The following WRN variants were observed in gnomAD, a reference collection of about 807,000 sequenced individuals.
The protein encoded by WRN is bifunctional 3'-5' exonuclease/ATP-dependent helicase WRN.
In WRN, 149 loss-of-function variants were observed where a neutral mutation model predicts 180.7. The observed-to-expected ratio is 0.82, with a 90% CI of 0.72 to 0.94. The LOEUF is 0.94. Among genes scored for constraint, WRN ranks in the 40% least tolerant of loss-of-function variants. The pLI is 0.00. For synonymous variants in WRN, 548 were observed against 568.9 expected (o/e 0.96, Z 0.52); for missense variants, 1,661 against 1,700.1 (o/e 0.98, Z 0.40).
intron 34 of WRN, among the ~76,000 whole-genome samples, chr8:31,172,109 T>A (rs1804121623): frequency 6.6e-6 from 1 of 152,100 alleles, no homozygotes; most frequent in Admixed American, 6.6e-5. Context: ...TTTTTTCATG[T>A]GCAGATGGTA....
intron 19 of WRN, 144 bp from the exon 20 acceptor site, chr8:31,116,210 A>G: frequency 1.2e-6 from 1 of 814,034 alleles, no homozygotes; most frequent in Non-Finnish European, 1.9e-6. Context: ...ATGCACTTAA[A>G]TATATCATTA....
At chr8:31,157,888 C>G (rs1268924008) in intron 33 of WRN, among the ~76,000 whole-genome samples, 1 of 152,010 alleles carries the variant, frequency 6.6e-6, no homozygotes, top group East Asian at 1.9e-4. Flanking sequence ...CCACCATGCC[C>G]AGCTATTTTT....
chr8:31,155,225 A>G (rs955883682), intron 32 of WRN, among the ~76,000 whole-genome samples: 1 of 152,258 alleles, frequency 6.6e-6, no homozygotes, highest in Non-Finnish European at 1.5e-5. Context: ...CTCTGCAAGC[A>G]TAGCCAAGCA....
rs1804259108 is a variant in WRN at position 31,175,873 on chromosome 8, G to T, written c.*2771G>T. ...AAGTATTTATGTTAATGTGTACTTG[G>T]TTTACTACTGCTATTTTTAAATAAA... On this transcript the variant is annotated 3_prime_UTR_variant, in exon 35 of 35. Transcript: ENST00000298139. 6.6e-6 allele frequency among the ~76,000 whole-genome samples: 1 copy of T among 152,174 alleles called. No homozygotes were observed. The highest frequency in any genetic ancestry group is 2.1e-4 in the South Asian group (1 of 4,836).
rs1813563927 is a variant in WRN, at chr8:31,087,086, TAAATA to T, written c.1432-686_1432-682del. Among the ~76,000 whole-genome samples the T allele has an allele frequency of 9.9e-5, 15 of 152,190 alleles. 1 individual carries two copies. The South Asian group carries it at 3.1e-3, about 32-fold the overall frequency. On this transcript the variant is annotated intron_variant, in intron 11 of 34. Coordinates refer to ENST00000298139, the MANE Select transcript of WRN (RefSeq NM_000553.6). ...AAAAAAACCTTCAAAATGAAAATAT[TAAATA>T]AAAGATTTAATAAAAAGAGAAAGTA...
chr8:31,066,283 T>G (rs1438659480), intron 5 of WRN, among the ~76,000 whole-genome samples: 1 of 152,066 alleles, frequency 6.6e-6, no homozygotes, highest in Non-Finnish European at 1.5e-5. Context: ...CCTCCTGGGT[T>G]CAAGCGATTC....
chr8:31,094,157 T>C (rs1813865353), intron 16 of WRN, among the ~76,000 whole-genome samples: 1 of 152,226 alleles, frequency 6.6e-6, no homozygotes, highest in African/African-American at 2.4e-5. Flanking sequence ...TGTTTAACTT[T>C]CTTTTTTCTA....
intron 1 of WRN, among the ~76,000 whole-genome samples, chr8:31,052,341 G>T (rs1220081606): frequency 6.6e-6 from 1 of 151,370 alleles, no homozygotes; most frequent in South Asian, 2.1e-4. Flanking sequence ...GGTATACATT[G>T]CTCCAGACTT....
intron 17 of WRN, among the ~76,000 whole-genome samples, chr8:31,099,417 A>AGGAAGGAAGGAAGGAAGGAAGG (rs748492501): frequency 2.6e-5 from 4 of 151,844 alleles, no homozygotes; most frequent in African/African-American, 9.7e-5. Context: ...GAAGGAAGGA[A>AGGAAGGAAGGAAGGAAGGAAGG]AAATCAGTCA....
At chr8:31,095,952 G>GA in intron 16 of WRN, among the ~76,000 whole-genome samples, 1 of 152,226 alleles carries the variant, frequency 6.6e-6, no homozygotes, top group Non-Finnish European at 1.5e-5. Context: ...TCTAGATATC[G>GA]AAACAATTAG....
intron 30 of WRN, among the ~76,000 whole-genome samples, chr8:31,148,396 TCTTA>T (rs1213690940): frequency 6.6e-6 from 1 of 152,156 alleles, no homozygotes; most frequent in African/African-American, 2.4e-5. Context: ...CTTTATCATA[TCTTA>T]CTTCTGCTTA....
rs966689833 is a variant in WRN at position 31,167,320 on chromosome 8, A to G, written c.4191+90A>G. 7.6e-6 allele frequency: 8 copies of G among 1,052,934 alleles called. No homozygotes were observed. In the African/African-American group the frequency reaches 9.5e-5, roughly 13 times the overall value. The allele number at this position is 1,052,934 out of a possible 1,614,324, so 65.2% of individuals were successfully genotyped here. A position where few individuals can be genotyped will look rare whatever the true frequency, so the allele number is the denominator to read the frequency against. On this transcript the variant is annotated intron_variant, in intron 34 of 34. Coordinates refer to ENST00000298139, the MANE Select transcript of WRN (RefSeq NM_000553.6). ...GAATGCTGTATTTTTTTGAACTGTT[A>G]TGAATTCTGATATGATTACTTTCTC...
chr8:31,163,587 T>A (rs1803721782), intron 33 of WRN, among the ~76,000 whole-genome samples: 1 of 152,136 alleles, frequency 6.6e-6, no homozygotes, highest in Admixed American at 6.5e-5. Flanking sequence ...TCTAACTTGA[T>A]GAGTGAAACA....
chr8:31,111,069 T>A (rs1801295255), intron 18 of WRN, among the ~76,000 whole-genome samples: 1 of 152,136 alleles, frequency 6.6e-6, no homozygotes, highest in African/African-American at 2.4e-5. Flanking sequence ...TTATTGATTA[T>A]CTCAGTACCA....
rs1480793927 is a variant in WRN at position 31,175,332 on chromosome 8, G to A, written c.*2230G>A. 2.0e-5 allele frequency among the ~76,000 whole-genome samples: 3 copies of A among 152,158 alleles called. No homozygotes were observed. Among genetic ancestry groups the A allele is most frequent in the Non-Finnish European group, 4.4e-5 (3 of 68,024 alleles). On this transcript the variant is annotated 3_prime_UTR_variant, in exon 35 of 35. Transcript: ENST00000298139. ...TGCCTATAATCCCAGCTACTCGGGA[G>A]GCTGAGGCAGGAGAATCGCTTGAAC...
At chr8:31,123,493 G>A (rs1801804557) in intron 21 of WRN, among the ~76,000 whole-genome samples, 1 of 152,008 alleles carries the variant, frequency 6.6e-6, no homozygotes, top group Admixed American at 6.6e-5. Context: ...ATAATTACAT[G>A]GAAGGGCATG....
intron 23 of WRN, among the ~76,000 whole-genome samples, chr8:31,129,576 A>T (rs990052464): frequency 1.5e-4 from 23 of 152,094 alleles, no homozygotes; most frequent in African/African-American, 5.6e-4. Context: ...TTTGGAAATT[A>T]AAAATAACAC....
intron 1 of WRN, among the ~76,000 whole-genome samples, chr8:31,043,157 C>T (rs947145584): frequency 6.6e-6 from 1 of 152,204 alleles, no homozygotes; most frequent in South Asian, 2.1e-4. Context: ...TCTATGAAAA[C>T]ACCTTCAGGG....
rs886062895 is a variant in WRN at position 31,173,560 on chromosome 8, T to A, written c.*458T>A. On this transcript the variant is annotated 3_prime_UTR_variant, in exon 35 of 35. Coordinates refer to ENST00000298139, the MANE Select transcript of WRN (RefSeq NM_000553.6). ...TGTTTTTACTGTCTTTTGAAGAAGT[T>A]CTTAAATACGTTGTTAAATGGTATT... is the stretch of plus-strand genomic sequence containing the variant. 1 of 183,060 alleles carries A rather than the reference T, an allele frequency of 5.5e-6. No homozygotes were observed. The highest frequency in any genetic ancestry group is 1.2e-5 in the Non-Finnish European group (1 of 86,404). 11.3% of individuals were successfully genotyped at this position (183,060 alleles called of 1,614,324 possible).
Sources: allele counts gnomAD v4.1 joint callset (sites outside exome capture counted in the v4.1 genomes callset), GRCh38; gene constraint gnomAD v4.1.1; transcripts MANE v1.5; gene names NCBI Gene and HGNC (gene_info 2026-07-23, HGNC 2026-07-21).